Variants in TTLL11 observed in about 807,000 individuals in gnomAD.
TTLL11 encodes tubulin tyrosine ligase like 11.
TTLL11 carries 42 observed loss-of-function variants against 51.7 expected under a neutral mutation model. The observed-to-expected ratio is 0.81, with a 90% CI of 0.64 to 1.05. The LOEUF is 1.05. Ranked by LOEUF, TTLL11 falls within the 50% of genes least tolerant of loss-of-function variation. The pLI, the probability that TTLL11 is intolerant of heterozygous loss-of-function variation, is 0.00. For missense variants in TTLL11, 799 were observed against 940.4 expected (o/e 0.85, Z 1.97); for synonymous variants, 381 against 383.5 (o/e 0.99, Z 0.08).
Position 121,821,431 on chromosome 9 carries a change from T to C in TTLL11, c.*1156A>G, listed in dbSNP as rs1347499253. On this transcript the variant is annotated 3_prime_UTR_variant, in exon 9 of 9. Transcript: ENST00000321582. This position sits in a 1 kb window ranked among gnomAD's most constrained non-coding sequence, Gnocchi z 5.0. The stretch of plus-strand genomic sequence containing the variant: ...TCTTCCCAGGTTCCTCAGCATCCTT[T>C]AAAGGGATCCTCCAGGAAAGGGCCA... Among the ~76,000 whole-genome samples, 1 of 152,084 alleles carries C rather than the reference T, an allele frequency of 6.6e-6. No individual in the cohort carries two copies. The highest frequency in any genetic ancestry group is 6.6e-5 in the Admixed American group (1 of 15,266).
intron 8 of TTLL11, among the ~76,000 whole-genome samples, chr9:121,851,338 A>G (rs1837658723): frequency 6.6e-6 from 1 of 152,218 alleles, no homozygotes; most frequent in African/African-American, 2.4e-5. Flanking sequence ...AGTCGATCAT[A>G]ATATACCAAG....
At chr9:121,938,060 C>T (rs1308677168) in intron 6 of TTLL11, among the ~76,000 whole-genome samples, 3 of 152,030 alleles carry the variant, frequency 2.0e-5, no homozygotes, top group African/African-American at 4.8e-5. Context: ...GAGACCAAGG[C>T]GGGTGGATCA....
At chr9:121,927,565 G>C (rs560185676) in intron 6 of TTLL11, among the ~76,000 whole-genome samples, 6 of 151,404 alleles carry the variant, frequency 4.0e-5, no homozygotes, top group Middle Eastern at 3.5e-3. Context: ...GAGGTGAAAA[G>C]AAATATGTAA....
intron 3 of TTLL11, among the ~76,000 whole-genome samples, chr9:121,997,605 G>A (rs1049163127): frequency 4.3e-4 from 65 of 152,288 alleles, no homozygotes; most frequent in African/African-American, 1.5e-3. Context: ...AGGCAGACCT[G>A]GGTTCAGATC....
intron 8 of TTLL11, among the ~76,000 whole-genome samples, chr9:121,846,325 T>C (rs1339036134): frequency 1.3e-5 from 2 of 152,200 alleles, no homozygotes; most frequent in Non-Finnish European, 2.9e-5. Context: ...ATAAATCTAC[T>C]ATTATAGGTG....
intron 8 of TTLL11, among the ~76,000 whole-genome samples, chr9:121,831,079 C>A (rs1345945613): frequency 6.6e-6 from 1 of 152,082 alleles, no homozygotes; most frequent in East Asian, 1.9e-4. Flanking sequence ...TGAGGTTTGC[C>A]CATGGTTGGA....
intron 7 of TTLL11, among the ~76,000 whole-genome samples, chr9:121,863,910 GAT>G (rs1201743566): frequency 1.3e-5 from 2 of 152,200 alleles, no homozygotes; most frequent in Non-Finnish European, 2.9e-5. Flanking sequence ...GCTGTGGGGA[GAT>G]GGCCCAGTCC....
chr9:122,049,337 G>T (rs565558033), intron 1 of TTLL11, among the ~76,000 whole-genome samples: 4 of 152,152 alleles, frequency 2.6e-5, no homozygotes, highest in Non-Finnish European at 5.9e-5. Context: ...AACCCTATTT[G>T]CAAATGAGGG....
intron 7 of TTLL11, among the ~76,000 whole-genome samples, chr9:121,865,653 A>G (rs140722811): frequency 1.6e-4 from 25 of 152,268 alleles, no homozygotes; most frequent in African/African-American, 5.8e-4. Flanking sequence ...CTGAAGAATC[A>G]ATCAGATAAT....
At chr9:121,971,164 GTA>G (rs1564333810) in intron 6 of TTLL11, among the ~76,000 whole-genome samples, 2 of 77,834 alleles carry the variant, frequency 2.6e-5, no homozygotes, top group Non-Finnish European at 3.3e-5. Flanking sequence ...CGGGAGGGAG[GTA>G]GGGGGGTCAG....
rs373631086 is a variant in TTLL11 at position 121,954,588 on chromosome 9, G to A, written c.1481+19421C>T. Among the ~76,000 whole-genome samples the A allele has an allele frequency of 1.4e-4, 21 of 152,290 alleles. No homozygotes were observed. The East Asian group carries it at 1.5e-3, about 11-fold the overall frequency. On this transcript the variant is annotated intron_variant, in intron 6 of 8. Transcript: ENST00000321582. ...GAGCGTTTCTTCTGAATGCAGGGGA[G>A]AAGCAAACCTTTCTCTTCAGAAGCA...
At chr9:121,956,649 G>A (rs1842026845) in intron 6 of TTLL11, among the ~76,000 whole-genome samples, 1 of 152,164 alleles carries the variant, frequency 6.6e-6, no homozygotes. Context: ...CTGCTTCCCA[G>A]GGTCTTCCGG....
intron 3 of TTLL11, among the ~76,000 whole-genome samples, chr9:122,030,244 T>C (rs1245349497): frequency 8.6e-5 from 13 of 151,340 alleles, no homozygotes; most frequent in Non-Finnish European, 5.9e-5. Context: ...GAGAGTTATC[T>C]TTTAAAATTA....
chr9:122,015,490 T>C (rs1201078530), intron 3 of TTLL11, among the ~76,000 whole-genome samples: 1 of 152,188 alleles, frequency 6.6e-6, no homozygotes, highest in Non-Finnish European at 1.5e-5. Flanking sequence ...ACTCCTTTAC[T>C]AGTTATGCGC....
At chr9:121,938,294 G>GAA (rs386416140) in intron 6 of TTLL11, among the ~76,000 whole-genome samples, 1 of 125,542 alleles carries the variant, frequency 8.0e-6, no homozygotes, top group African/African-American at 2.9e-5. Flanking sequence ...GTCTCAAAAA[G>GAA]AAAAAAAAAA....
chr9:121,836,531 C>G (rs892972005), intron 8 of TTLL11, among the ~76,000 whole-genome samples: 1 of 152,172 alleles, frequency 6.6e-6, no homozygotes, highest in Non-Finnish European at 1.5e-5. Context: ...CCCGACACCC[C>G]AGTTTAACAC....
chr9:121,896,011 T>G lies in TTLL11; in HGVS notation c.1482-25263A>C, dbSNP rs1318002680. Among the ~76,000 whole-genome samples, 3 of 137,752 alleles carry G rather than the reference T, an allele frequency of 2.2e-5. No homozygotes were observed. The South Asian group carries it at 7.1e-4, about 33-fold the overall frequency. 90.4% of individuals were successfully genotyped at this position (137,752 alleles called of 152,430 possible). ...GGTGTTTTGTGTGAGTGTGTATGTG[T>G]GGTTGTGTGTGTGTATGAATGTGTG... On this transcript the variant is annotated intron_variant, in intron 6 of 8. Transcript: ENST00000321582.
intron 8 of TTLL11, among the ~76,000 whole-genome samples, chr9:121,828,542 A>G (rs1836895860): frequency 6.6e-6 from 1 of 152,150 alleles, no homozygotes; most frequent in Non-Finnish European, 1.5e-5. Context: ...CAGCCTTTAT[A>G]ACCATTATTT....
At chr9:121,958,049 G>C (rs7040263) in intron 6 of TTLL11, among the ~76,000 whole-genome samples, 11,749 of 152,258 alleles carry the variant, frequency 0.077, 685 homozygotes, top group African/African-American at 0.16. Flanking sequence ...TGTGGAACGA[G>C]TGTCCCCAGA....
Sources: allele counts gnomAD v4.1 joint callset (sites outside exome capture counted in the v4.1 genomes callset), GRCh38; gene constraint gnomAD v4.1.1; non-coding constraint Gnocchi (gnomAD v3.1); transcripts MANE v1.5; gene names NCBI Gene and HGNC (gene_info 2026-07-23, HGNC 2026-07-21).